SERPING1: variants seen among roughly 807,000 people sequenced by gnomAD.
SERPING1 encodes serpin family G member 1.
Under a neutral mutation model 34.1 loss-of-function variants are expected in SERPING1, and 5 were observed. The ratio of observed to expected loss-of-function variants is 0.15; its 90% CI spans 0.08 to 0.31. The LOEUF (loss-of-function observed/expected upper bound fraction) is 0.31. SERPING1 is among the 10% of genes least tolerant of loss of function. The pLI is 1.00. For missense variants in SERPING1, 505 were observed against 609.5 expected (o/e 0.83, Z 1.81); for synonymous variants, 225 against 242.4 (o/e 0.93, Z 0.67).
At chr11:57,611,161 GACCTC>G in intron 6 of SERPING1, 2 of 161,528 alleles carry the variant, frequency 1.2e-5, no homozygotes, top group Admixed American at 1.2e-4. Context: ...TCAATCTCTT[GACCTC>G]GTGATCCGCC....
intron 5 of SERPING1, 59 bp downstream of exon 5, chr11:57,606,272 T>G: frequency 6.2e-7 from 1 of 1,607,208 alleles, no homozygotes; most frequent in Admixed American, 1.7e-5. Flanking sequence ...CCCTCCTGGC[T>G]TCAAAGCCCA....
In SERPING1 at chr11:57,600,000, C is replaced by T; in HGVS notation, c.173C>T (p.Pro58Leu). 6.2e-7 allele frequency: 1 copy of T among 1,614,164 alleles called. No individual in the cohort carries two copies. The highest frequency in any genetic ancestry group is 1.1e-5 in the South Asian group (1 of 91,078). The change falls in exon 3 of 8, where the codon CCC (proline) becomes CTC (leucine). Residue 58 changes from proline (P) to leucine (L), a missense_variant. By Grantham distance (98) the Pro-to-Leu change is moderately conservative. Coordinates refer to ENST00000278407, the MANE Select transcript of SERPING1 (RefSeq NM_000062.3). The part of the protein sequence containing the change: ...TVISKMLFVE[P>L]ILEVSSLPTT... ...ATCTCCAAGATGCTATTCGTTGAAC[C>T]CATCCTGGAGGTTTCCAGCTTGCCG... is the stretch of plus-strand genomic sequence containing the variant.
intron 7 of SERPING1, among the ~76,000 whole-genome samples, chr11:57,612,628 A>G (rs1945491660): frequency 2.0e-5 from 3 of 152,110 alleles, no homozygotes; most frequent in African/African-American, 7.2e-5. Context: ...TGTGTTAACC[A>G]GGATGGTCAC....
intron 6 of SERPING1, 107 bp from the exon 7 acceptor site, chr11:57,611,610 G>C: frequency 9.3e-7 from 1 of 1,074,222 alleles, no homozygotes; most frequent in Admixed American, 1.7e-5. Context: ...GATGCTTGTT[G>C]AAATACAGAC....
At chr11:57,613,726 C>T (rs1285697286) in intron 7 of SERPING1, among the ~76,000 whole-genome samples, 2 of 152,162 alleles carry the variant, frequency 1.3e-5, no homozygotes, top group Non-Finnish European at 2.9e-5. Context: ...TCCAGCTCCT[C>T]TCTTCTCCCC....
intron 6 of SERPING1, among the ~76,000 whole-genome samples, chr11:57,610,966 C>T (rs138484900): frequency 1.3e-5 from 2 of 152,034 alleles, no homozygotes; most frequent in African/African-American, 4.8e-5. Context: ...GATGGAGTCT[C>T]GCTCTGTCAC....
At chr11:57,611,652 C>T in intron 6 of SERPING1, 65 bp from the exon 7 acceptor site, 1 of 1,436,998 alleles carries the variant, frequency 7.0e-7, no homozygotes, top group Non-Finnish European at 9.8e-7. Context: ...AGCATTGTGA[C>T]AGAGGGTGGG....
At chr11:57,604,131 C>A (rs76244914) in intron 4 of SERPING1, among the ~76,000 whole-genome samples, 4 of 125,622 alleles carry the variant, frequency 3.2e-5, no homozygotes, top group Non-Finnish European at 1.7e-5. Flanking sequence ...GACTCTGTCT[C>A]AAAAAAAAAA....
At chr11:57,603,323 C>T (rs1322029420) in intron 4 of SERPING1, among the ~76,000 whole-genome samples, 5 of 151,336 alleles carry the variant, frequency 3.3e-5, no homozygotes, top group Non-Finnish European at 1.5e-5. Flanking sequence ...GCAGGCGATT[C>T]ACAAGGTCAG....
intron 4 of SERPING1, among the ~76,000 whole-genome samples, chr11:57,604,367 A>G (rs565934005): frequency 6.6e-6 from 1 of 152,284 alleles, no homozygotes; most frequent in African/African-American, 2.4e-5. Flanking sequence ...TTACAAAACG[A>G]TCCAATGTAG....
At position 57,600,219 on chromosome 11, in the gene SERPING1, C is replaced by T. The variant is rs373895356; in HGVS notation, c.392C>T (p.Ser131Phe). 1.9e-6 allele frequency: 3 copies of T among 1,614,072 alleles called. No homozygotes were observed. The part of the protein sequence containing the change: ...SFCPGPVTLC[S>F]DLESHSTEAV... The stretch of plus-strand genomic sequence containing the variant: ...TGCCCAGGACCTGTTACTCTCTGCT[C>T]TGACTTGGAGAGTCATTCAACAGAG... The change falls in exon 3 of 8, where the codon TCT (serine) becomes TTT (phenylalanine). Residue 131 changes from serine to phenylalanine, a missense_variant. By Grantham distance (155) the Ser-to-Phe change is radical (BLOSUM62 -2). Transcript: ENST00000278407.
intron 6 of SERPING1, 125 bp from the exon 7 acceptor site, chr11:57,611,592 G>A (rs1163577249): frequency 1.1e-6 from 1 of 941,688 alleles, no homozygotes; most frequent in Admixed American, 1.7e-5. Flanking sequence ...GGAAGCTTAG[G>A]TCTGACTGAT....
chr11:57,602,103 C>T lies in SERPING1; in HGVS notation c.619C>T (p.His207Tyr). ...LSYPKDFTCV[H>Y]QALKGFTTKG... ...TTACCCCAAGGACTTCACCTGTGTC[C>T]ACCAGGCCCTGAAGGGCTTCACGAC... The change falls in exon 4 of 8, where the codon CAC becomes TAC. Residue 207 changes from histidine to tyrosine, a missense_variant. By Grantham distance (83) the His-to-Tyr change is moderately conservative. Transcript: ENST00000278407. 6.2e-7 allele frequency: 1 copy of T among 1,614,198 alleles called. No individual in the cohort carries two copies.
intron 6 of SERPING1, among the ~76,000 whole-genome samples, chr11:57,609,947 C>T (rs1051399595): frequency 3.3e-5 from 5 of 152,134 alleles, no homozygotes; most frequent in African/African-American, 1.2e-4. Flanking sequence ...TCTTTTTAAA[C>T]ACATCTAATA....
At position 57,614,548 on chromosome 11, in the gene SERPING1, C is replaced by T. The variant is rs1365774407; in HGVS notation, c.1470C>T (p.Val490=). The T allele has an allele frequency of 6.2e-7, 1 of 1,614,084 alleles. No individual in the cohort carries two copies. The highest frequency in any genetic ancestry group is 8.5e-7 in the Non-Finnish European group (1 of 1,180,012). ...GGGACCAGCAGCACAAGTTCCCTGT[C>T]TTCATGGGGCGAGTATATGACCCCA... ...VLWDQQHKFP[V]FMGRVYDPRA The change falls in exon 8 of 8, where the codon GTC becomes GTT. Residue 490 remains valine, a synonymous_variant. Transcript: ENST00000278407.
At chr11:57,609,543 G>A (rs1277174006) in intron 6 of SERPING1, among the ~76,000 whole-genome samples, 2 of 151,816 alleles carry the variant, frequency 1.3e-5, no homozygotes, top group African/African-American at 4.8e-5. Flanking sequence ...TCATGCCACT[G>A]CATTCCAGCC....
intron 2 of SERPING1, among the ~76,000 whole-genome samples, chr11:57,599,675 C>T (rs1945325140): frequency 6.6e-6 from 1 of 152,276 alleles, no homozygotes; most frequent in Middle Eastern, 3.4e-3. Flanking sequence ...TCCTGTGCAC[C>T]CCCACCCTCA....
intron 4 of SERPING1, among the ~76,000 whole-genome samples, chr11:57,602,625 G>T (rs1247869771): frequency 1.3e-5 from 2 of 151,302 alleles, no homozygotes; most frequent in Admixed American, 6.6e-5. Flanking sequence ...CATGGTGGCG[G>T]GCACCTGTAA....
chr11:57,603,770 C>T lies in SERPING1; in HGVS notation c.685+1601C>T, dbSNP rs566887715. ...AGGAGAATGGCATGAACCCGGGAGG[C>T]GGAGCTTGCAGTGAGCCGAGATTGC... On this transcript the variant is annotated intron_variant, in intron 4 of 7. Transcript: ENST00000278407. 2.8e-3 allele frequency among the ~76,000 whole-genome samples: 411 copies of T among 145,442 alleles called. 1 individual carries two copies. Among genetic ancestry groups the T allele is most frequent in the African/African-American group, 9.9e-3 (386 of 38,868 alleles).
Sources: allele counts gnomAD v4.1 joint callset (sites outside exome capture counted in the v4.1 genomes callset), GRCh38; gene constraint gnomAD v4.1.1; transcripts MANE v1.5; gene names NCBI Gene and HGNC (gene_info 2026-07-23, HGNC 2026-07-21).